The following EPM2A variants were observed in gnomAD, a reference collection of about 807,000 sequenced individuals.
EPM2A encodes EPM2A glucan phosphatase, laforin.
A neutral mutation model predicts 26.5 loss-of-function variants in EPM2A; 21 were observed. That is an observed-to-expected ratio of 0.79 (90% CI 0.56 to 1.14). EPM2A has a LOEUF of 1.14. Among genes scored for constraint, EPM2A ranks in the 50% most tolerant of loss-of-function variants. The pLI is 0.00. For synonymous variants in EPM2A, 217 were observed against 177.6 expected (o/e 1.22, Z -1.76); for missense variants, 458 against 440.8 (o/e 1.04, Z -0.35).
intron 4 of EPM2A, among the ~76,000 whole-genome samples, chr6:145,473,166 A>G (rs1301327749): frequency 6.6e-6 from 1 of 152,096 alleles, no homozygotes; most frequent in Non-Finnish European, 1.5e-5. Context: ...AATGCAGCGA[A>G]GGAATTCAGA....
intron 2 of EPM2A, among the ~76,000 whole-genome samples, chr6:145,616,833 G>T (rs1341426766): frequency 2.0e-5 from 3 of 152,178 alleles, no homozygotes; most frequent in African/African-American, 7.2e-5. Flanking sequence ...TCTCCTATTT[G>T]GAATGATTGT....
chr6:145,447,269 CTT>C (rs1391160649), intron 4 of EPM2A, among the ~76,000 whole-genome samples: 3 of 152,106 alleles, frequency 2.0e-5, no homozygotes, highest in Non-Finnish European at 4.4e-5. Flanking sequence ...TGTTTAAAGA[CTT>C]TTATTTATCC....
chr6:145,447,197 A>G (rs771762405), intron 4 of EPM2A, among the ~76,000 whole-genome samples: 20 of 152,174 alleles, frequency 1.3e-4, no homozygotes, highest in Admixed American at 5.9e-4. Context: ...AGAAGGAAGG[A>G]AACCAATAGG....
chr6:145,554,149 C>T (rs532302538), intron 2 of EPM2A, among the ~76,000 whole-genome samples: 2 of 151,860 alleles, frequency 1.3e-5, no homozygotes, highest in African/African-American at 4.8e-5. Context: ...AAGTTCTTGC[C>T]CTCTTGAGTT....
At chr6:145,639,195 G>A (rs760825251) in intron 2 of EPM2A, 3 of 152,156 alleles carry the variant, frequency 2.0e-5, no homozygotes, top group African/African-American at 7.2e-5. Flanking sequence ...AACTTCCAGA[G>A]ACTTGTTTCA....
At chr6:145,452,489 C>CAAAAAAAAAAAAAA (rs563777945) in intron 4 of EPM2A, among the ~76,000 whole-genome samples, 9 of 75,860 alleles carry the variant, frequency 1.2e-4, no homozygotes, top group African/African-American at 2.4e-4. Context: ...ACTAAAAATA[C>CAAAAAAAAAAAAAA]AAAAAAAAAA....
chr6:145,658,340 C>T (rs1310717885), intron 2 of EPM2A, among the ~76,000 whole-genome samples: 3 of 152,178 alleles, frequency 2.0e-5, no homozygotes, highest in African/African-American at 7.2e-5. Flanking sequence ...TAATGAGGAT[C>T]TGTAGCTTGA....
At chr6:145,557,816 T>C (rs1418672612) in intron 2 of EPM2A, among the ~76,000 whole-genome samples, 2 of 152,126 alleles carry the variant, frequency 1.3e-5, no homozygotes, top group Admixed American at 1.3e-4. Context: ...CATCATGTTG[T>C]ACAATAGATC....
downstream of EPM2A, among the ~76,000 whole-genome samples, chr6:145,498,369 C>T (rs568959288): frequency 2.0e-5 from 3 of 152,306 alleles, no homozygotes; most frequent in African/African-American, 7.2e-5. Context: ...CTGTGGACCA[C>T]CTGCCTTCCC....
At chr6:145,562,951 C>A (rs1269574815) in intron 2 of EPM2A, among the ~76,000 whole-genome samples, 1 of 151,144 alleles carries the variant, frequency 6.6e-6, no homozygotes, top group East Asian at 2.0e-4. Context: ...TGAGATCAAA[C>A]GTCCTACTCA....
intron 4 of EPM2A, among the ~76,000 whole-genome samples, chr6:145,456,884 T>C (rs1779268629): frequency 6.6e-6 from 1 of 152,192 alleles, no homozygotes; most frequent in Non-Finnish European, 1.5e-5. Flanking sequence ...TTTCAATGTA[T>C]ATATTTTAGA....
At chr6:145,475,966 C>A (rs1259185767) in intron 4 of EPM2A, among the ~76,000 whole-genome samples, 1 of 151,922 alleles carries the variant, frequency 6.6e-6, no homozygotes, top group African/African-American at 2.4e-5. Context: ...CTAAACCCTT[C>A]AATCAAAAGA....
At chr6:145,725,263 A>T (rs550833445) in intron 1 of EPM2A, among the ~76,000 whole-genome samples, 1 of 152,234 alleles carries the variant, frequency 6.6e-6, no homozygotes, top group African/African-American at 2.4e-5. Flanking sequence ...CACCTATTAC[A>T]GTAGTTAAAA....
At position 145,715,828 on chromosome 6, in the gene EPM2A, T is replaced by C. The variant is rs1002593003; in HGVS notation, c.301+19370A>G. On this transcript the variant is annotated intron_variant, in intron 1 of 3. Coordinates refer to ENST00000367519, the MANE Select transcript of EPM2A (RefSeq NM_005670.4). ...CAACCCACAGATGGGACCATCTAAT[T>C]GCAGGAAAACAAGCTCAGGACTCCC... 3.3e-5 allele frequency among the ~76,000 whole-genome samples: 5 copies of C among 152,298 alleles called. No homozygotes were observed. The South Asian group carries it at 1.0e-3, about 32-fold the overall frequency.
intron 3 of EPM2A, chr6:145,502,458 C>T (rs571698280): frequency 2.1e-5 from 10 of 465,124 alleles, no homozygotes; most frequent in African/African-American, 2.0e-4. Context: ...TATGACTTTC[C>T]TGAAGAAGAG....
intron 4 of EPM2A, among the ~76,000 whole-genome samples, chr6:145,467,486 G>A (rs897329977): frequency 6.6e-6 from 1 of 152,106 alleles, no homozygotes; most frequent in Non-Finnish European, 1.5e-5. Flanking sequence ...AGTAGGGTAG[G>A]TTTAGCTGCT....
In EPM2A at chr6:145,577,765, A is replaced by C. The variant is rs144993195; in HGVS notation, c.340+57480T>G. ...GAATACACATTCTTCTCATTAGCAC[A>C]TGAAACATACTCCAGGATAGACCAT... On this transcript the variant is annotated intron_variant, in intron 2 of 3. Coordinates refer to the EPM2A transcript ENST00000450221. 2.5e-3 allele frequency among the ~76,000 whole-genome samples: 374 copies of C among 152,248 alleles called. 4 individuals carry two copies. Among genetic ancestry groups the C allele is most frequent in the African/African-American group, 8.4e-3 (351 of 41,570 alleles).
chr6:145,716,044 C>A (rs948647008), intron 1 of EPM2A, among the ~76,000 whole-genome samples: 2 of 152,208 alleles, frequency 1.3e-5, no homozygotes, highest in Non-Finnish European at 2.9e-5. Context: ...GGGACCACTG[C>A]TTTAAGTCAT....
intron 4 of EPM2A, among the ~76,000 whole-genome samples, chr6:145,457,427 T>C (rs1475468652): frequency 2.1e-5 from 3 of 145,732 alleles, no homozygotes; most frequent in African/African-American, 7.7e-5. Context: ...GAGGTTGCAG[T>C]GAGCTGAGAT....
Sources: gnomAD v4.1 joint callset for allele counts (sites outside exome capture counted in the v4.1 genomes callset) on GRCh38, gnomAD v4.1.1 for gene constraint, MANE v1.5 for transcripts, NCBI Gene and HGNC (gene_info 2026-07-23, HGNC 2026-07-21) for gene names.